Variants in TRIOBP observed in about 807,000 individuals in gnomAD.
TRIOBP encodes the protein TRIO and F-actin-binding protein.
Under a neutral mutation model 238.8 loss-of-function variants are expected in TRIOBP, and 169 were observed. That is an observed-to-expected ratio of 0.71 (90% CI 0.62 to 0.80). The LOEUF is 0.80. Among genes scored for constraint, TRIOBP ranks in the 30% least tolerant of loss-of-function variants. TRIOBP has a pLI of 0.00. For missense variants in TRIOBP, 2,838 were observed against 3,122.6 expected (o/e 0.91, Z 2.17); for synonymous variants, 1,150 against 1,274.4 (o/e 0.90, Z 2.08).
intron 17 of TRIOBP, 84 bp downstream of exon 17, chr22:37,759,348 C>T (rs1926117712): frequency 9.8e-6 from 14 of 1,431,644 alleles, no homozygotes; most frequent in Non-Finnish European, 1.4e-5. Flanking sequence ...ATTTTGGGAG[C>T]CCTTCCTGTG....
At chr22:37,767,893 C>T (rs561361232) in intron 18 of TRIOBP, among the ~76,000 whole-genome samples, 181 bp from the exon 19 acceptor site, 1 of 152,306 alleles carries the variant, frequency 6.6e-6, no homozygotes, top group South Asian at 2.1e-4. Flanking sequence ...CTGGGCTACT[C>T]TAGACTCCTG....
Position 37,701,430 on chromosome 22 carries a change from G to A in TRIOBP, c.65G>A (p.Arg22His), listed in dbSNP as rs761159399. The A allele has an allele frequency of 1.1e-5, 18 of 1,613,688 alleles. No homozygotes were observed. In the East Asian group the frequency reaches 1.3e-4, roughly 12 times the overall value. Reference sequence around the variant, plus strand: ...GAGGCCAACATACTTACCCAGAACCGCTGTCAAAACTGCTTCCACCCTGAG... The same window carrying A: ...GAGGCCAACATACTTACCCAGAACCACTGTCAAAACTGCTTCCACCCTGAG... ...HFEANILTQNRCQNCFHPEEA... is the reference protein window; with the variant it reads ...HFEANILTQNHCQNCFHPEEA... The change falls in exon 3 of 24, where the codon CGC becomes CAC. Residue 22 changes from arginine (R) to histidine (H), a missense_variant. Arg to His is a conservative substitution (Grantham distance 29, BLOSUM62 0). Coordinates refer to ENST00000644935, the MANE Select transcript of TRIOBP (RefSeq NM_001039141.3).
chr22:37,725,636 C>T lies in TRIOBP; in HGVS notation c.3080C>T (p.Ser1027Phe). ...GGGCACCGGGATGCCCCTCGAGCCTCTTCGCCCCCTCGCTATTTGCAGCAC... is the reference window on the plus strand; with the variant it reads ...GGGCACCGGGATGCCCCTCGAGCCTTTTCGCCCCCTCGCTATTTGCAGCAC... ...CIGHRDAPRA[S>F]SPPRYLQHDP... is the part of the protein sequence containing the mutation. Residue 1027 changes from serine (S) to phenylalanine (F), a missense_variant, in exon 7 of 24, where the codon TCT becomes TTT. This residue lies in a region of TRIOBP where 2,096 missense variants were observed against 2,137.4 expected (regional missense o/e 0.98). Coordinates refer to ENST00000644935, the MANE Select transcript of TRIOBP (RefSeq NM_001039141.3). 1 of 1,613,854 alleles carries T rather than the reference C, an allele frequency of 6.2e-7. No homozygotes were observed. Among genetic ancestry groups the T allele is most frequent in the Non-Finnish European group, 8.5e-7 (1 of 1,179,912 alleles).
In TRIOBP at chr22:37,725,915, C is replaced by T; in HGVS notation, c.3359C>T (p.Pro1120Leu). 1 of 1,613,806 alleles carries T rather than the reference C, an allele frequency of 6.2e-7. No individual in the cohort carries two copies. The highest frequency in any genetic ancestry group is 1.1e-5 in the South Asian group (1 of 91,076). Residue 1120 changes from proline (P) to leucine (L), a missense_variant, in exon 7 of 24, where the codon CCC becomes CTC. Coordinates refer to ENST00000644935, the MANE Select transcript of TRIOBP (RefSeq NM_001039141.3). The part of the protein sequence containing the change: ...APVCIGYRDA[P>L]RASSPPRQAP... ...GTGTGTATTGGGTACCGAGATGCACCCCGGGCCTCCTCCCCACCACGCCAG... is the reference window on the plus strand; with the variant it reads ...GTGTGTATTGGGTACCGAGATGCACTCCGGGCCTCCTCCCCACCACGCCAG...
At chr22:37,701,149 T>C (rs1447838706) in intron 2 of TRIOBP, among the ~76,000 whole-genome samples, 157 bp from the exon 3 acceptor site, 1 of 152,128 alleles carries the variant, frequency 6.6e-6, no homozygotes, top group Non-Finnish European at 1.5e-5. Context: ...GTTGAGTGAA[T>C]AAATGAACAG....
chr22:37,754,459 T>C (rs1429175034), intron 12 of TRIOBP, among the ~76,000 whole-genome samples: 1 of 146,130 alleles, frequency 6.8e-6, no homozygotes, highest in East Asian at 2.0e-4. Context: ...TGGCTGGCAC[T>C]CACTCCTACT....
chr22:37,708,605 G>A (rs1403729766), intron 3 of TRIOBP, among the ~76,000 whole-genome samples: 1 of 152,224 alleles, frequency 6.6e-6, no homozygotes, highest in African/African-American at 2.4e-5. Context: ...AACACCCCTA[G>A]GAGGTGGGTC....
intron 11 of TRIOBP, among the ~76,000 whole-genome samples, chr22:37,744,811 C>T (rs528330677): frequency 6.6e-6 from 1 of 152,282 alleles, no homozygotes; most frequent in South Asian, 2.1e-4. Flanking sequence ...GAAAGAACTT[C>T]AGCTCCCTGG....
chr22:37,762,504 C>A (rs1223983406), intron 17 of TRIOBP, among the ~76,000 whole-genome samples: 1 of 152,216 alleles, frequency 6.6e-6, no homozygotes, highest in African/African-American at 2.4e-5. Flanking sequence ...AAGGGTGTGA[C>A]CTTTGAGCTA....
intron 10 of TRIOBP, 74 bp downstream of exon 10, chr22:37,738,793 C>T: frequency 6.8e-7 from 1 of 1,468,248 alleles, no homozygotes; most frequent in East Asian, 2.3e-5. Flanking sequence ...GGCTTCATTC[C>T]TCAGAAGAGC....
chr22:37,761,373 G>A (rs951134210), intron 17 of TRIOBP, among the ~76,000 whole-genome samples: 1 of 152,152 alleles, frequency 6.6e-6, no homozygotes, highest in Non-Finnish European at 1.5e-5. Flanking sequence ...AGAATCGCTT[G>A]AACCCGGGAG....
At chr22:37,770,381 C>T (rs552438477) in intron 21 of TRIOBP, among the ~76,000 whole-genome samples, 11 of 137,976 alleles carry the variant, frequency 8.0e-5, no homozygotes, top group African/African-American at 2.7e-4. Context: ...ACCTGGGAGG[C>T]GGAGCGTGCA....
At chr22:37,762,356 C>T (rs1202737170) in intron 17 of TRIOBP, among the ~76,000 whole-genome samples, 1 of 152,202 alleles carries the variant, frequency 6.6e-6, no homozygotes, top group Non-Finnish European at 1.5e-5. Context: ...GTGACCACTG[C>T]ACTGGCCCAC....
Position 37,734,829 on chromosome 22 carries a change from C to T in TRIOBP, c.4493C>T (p.Pro1498Leu). ...WGQPEAWEEK[P>L]THELPRELGK... The stretch of plus-strand genomic sequence containing the variant: ...CAGCCAGAGGCCTGGGAGGAGAAGC[C>T]CACTCATGAGCTCCCCAGAGAACTA... Residue 1498 changes from proline (P) to leucine (L), a missense_variant, in exon 9 of 24, where the codon CCC (proline) becomes CTC (leucine). Transcript: ENST00000644935. 2 of 1,612,594 alleles carry T rather than the reference C, an allele frequency of 1.2e-6. No individual in the cohort carries two copies. Among genetic ancestry groups the T allele is most frequent in the Non-Finnish European group, 1.7e-6 (2 of 1,179,894 alleles).
rs1326797969 is a variant in TRIOBP at position 37,734,996 on chromosome 22, C to T, written c.4660C>T (p.Arg1554Ter). Residue 1554 changes from arginine (R) to a stop codon, truncating the protein, a stop_gained, in exon 9 of 24, where the codon CGA (arginine) becomes TGA (stop). Coordinates refer to ENST00000644935, the MANE Select transcript of TRIOBP (RefSeq NM_001039141.3). LOFTEE classifies it high-confidence loss of function. ...ACPYPRGSERRPELDWRDLLG... is the reference protein window; with the variant it reads ...ACPYPRGSER ...TCCATACCCGCGTGGCTCTGAGAGGCGACCCGAGCTTGACTGGAGGGATCT... is the reference window on the plus strand; with the variant it reads ...TCCATACCCGCGTGGCTCTGAGAGGTGACCCGAGCTTGACTGGAGGGATCT... 4.3e-6 allele frequency: 7 copies of T among 1,613,138 alleles called. No homozygotes were observed. The highest frequency in any genetic ancestry group is 1.3e-5 in the African/African-American group (1 of 74,898).
At chr22:37,742,257 G>GTTT (rs762341330) in intron 11 of TRIOBP, among the ~76,000 whole-genome samples, 21,936 of 101,838 alleles carry the variant, frequency 0.22, 2,674 homozygotes, top group South Asian at 0.35. Flanking sequence ...CACGCCAGGC[G>GTTT]TTTTTTTTTT....
intron 6 of TRIOBP, among the ~76,000 whole-genome samples, chr22:37,721,252 A>G (rs1923813687): frequency 6.6e-6 from 1 of 152,026 alleles, no homozygotes; most frequent in African/African-American, 2.4e-5. Flanking sequence ...ACCTCAGATG[A>G]TCCACCCGCC....
At chr22:37,744,192 C>T (rs1365678332) in intron 11 of TRIOBP, among the ~76,000 whole-genome samples, 1 of 151,598 alleles carries the variant, frequency 6.6e-6, no homozygotes, top group Non-Finnish European at 1.5e-5. Flanking sequence ...GTATTTTTAC[C>T]AGAGACGGGG....
At position 37,734,788 on chromosome 22, in the gene TRIOBP, C is replaced by G. The variant is rs1262353200; in HGVS notation, c.4452C>G (p.Tyr1484Ter). The change falls in exon 9 of 24, where the codon TAC (tyrosine) becomes TAG (stop). Residue 1484 changes from tyrosine (Y) to a stop codon, truncating the protein, a stop_gained. Coordinates refer to ENST00000644935, the MANE Select transcript of TRIOBP (RefSeq NM_001039141.3). LOFTEE classifies it high-confidence loss of function. Reference protein sequence around the residue: ...EGAWGGTSREYKESWGQPEAW... With the variant: ...EGAWGGTSRE ...CATGGGGGGGCACTTCCAGGGAGTA[C>G]AAGGAGAGCTGGGGGCAGCCAGAGG... 6.2e-7 allele frequency: 1 copy of G among 1,612,120 alleles called. No individual in the cohort carries two copies. The highest frequency in any genetic ancestry group is 8.5e-7 in the Non-Finnish European group (1 of 1,179,718).
Sources: gnomAD v4.1 joint callset for allele counts (sites outside exome capture counted in the v4.1 genomes callset) on GRCh38, gnomAD v4.1.1 for gene constraint, gnomAD v4.1.1 regional missense constraint, MANE v1.5 for transcripts, NCBI Gene and HGNC (gene_info 2026-07-23, HGNC 2026-07-21) for gene names.